The following SYCP1 variants were observed in gnomAD, a reference collection of about 807,000 sequenced individuals.
SYCP1 encodes the protein synaptonemal complex protein 1.
SYCP1 carries 64 observed loss-of-function variants against 153.1 expected under a neutral mutation model. The ratio of observed to expected loss-of-function variants is 0.42; its 90% CI spans 0.34 to 0.51. The LOEUF (loss-of-function observed/expected upper bound fraction) is 0.51. SYCP1 is among the 20% of genes least tolerant of loss of function. The pLI, the probability that SYCP1 is intolerant of heterozygous loss-of-function variation, is 0.06. For synonymous variants in SYCP1, 384 were observed against 341.8 expected (o/e 1.12, Z -1.36); for missense variants, 997 against 1,049.0 (o/e 0.95, Z 0.68).
intron 23 of SYCP1, among the ~76,000 whole-genome samples, chr1:114,943,547 G>A (rs1266577642): frequency 1.3e-5 from 2 of 151,804 alleles, no homozygotes; most frequent in African/African-American, 4.8e-5. Flanking sequence ...ATTGTTTAGG[G>A]ACACATAATT....
chr1:114,944,727 C>A, intron 24 of SYCP1, 145 bp from the exon 25 acceptor site: 3 of 677,264 alleles, frequency 4.4e-6, no homozygotes, highest in Middle Eastern at 4.2e-4. Flanking sequence ...CCCGAAAAAA[C>A]CCCAAACAGT....
chr1:114,977,049 G>A (rs1389900913), intron 27 of SYCP1, among the ~76,000 whole-genome samples: 2 of 151,636 alleles, frequency 1.3e-5, no homozygotes, highest in African/African-American at 4.8e-5. Context: ...TCTATCTAAT[G>A]ATATTAGCAT....
chr1:114,991,880 C>T (rs1453441332), intron 30 of SYCP1, among the ~76,000 whole-genome samples: 1 of 151,762 alleles, frequency 6.6e-6, no homozygotes, highest in East Asian at 1.9e-4. Context: ...TCACAGATGA[C>T]ATGATCTTAT....
At chr1:114,935,987 G>A (rs1163292450) in intron 23 of SYCP1, among the ~76,000 whole-genome samples, 1 of 152,138 alleles carries the variant, frequency 6.6e-6, no homozygotes, top group African/African-American at 2.4e-5. Flanking sequence ...ACAGAAGCTG[G>A]TACCATTCCT....
intron 30 of SYCP1, among the ~76,000 whole-genome samples, chr1:114,994,124 G>A (rs1674112169): frequency 6.6e-6 from 1 of 151,024 alleles, no homozygotes; most frequent in Non-Finnish European, 1.5e-5. Flanking sequence ...ATTCATCCAC[G>A]GATGGATACT....
At position 114,887,710 on chromosome 1, in the gene SYCP1, A is replaced by G; in HGVS notation, c.1258+17A>G. 6.8e-7 allele frequency: 1 copy of G among 1,465,914 alleles called. No homozygotes were observed. The highest frequency in any genetic ancestry group is 9.2e-7 in the Non-Finnish European group (1 of 1,087,206). The allele number at this position is 1,465,914 out of a possible 1,614,324, so 90.8% of individuals were successfully genotyped here. A position where few individuals can be genotyped will look rare whatever the true frequency, so the allele number is the denominator to read the frequency against. On this transcript the variant is annotated intron_variant, in intron 15 of 31. Transcript: ENST00000369522. ...GTGAGCTGGGTAAGACTTAGAGAAT[A>G]ATGTGTGTACTTTAATAATATTAAC...
At chr1:114,975,436 G>A (rs977930629) in intron 27 of SYCP1, among the ~76,000 whole-genome samples, 7 of 151,028 alleles carry the variant, frequency 4.6e-5, no homozygotes, top group South Asian at 2.1e-4. Flanking sequence ...TTAAAATAAT[G>A]TATCTAATAC....
chr1:114,980,462 G>A (rs1253424252), intron 28 of SYCP1, among the ~76,000 whole-genome samples: 3 of 151,898 alleles, frequency 2.0e-5, no homozygotes, highest in Non-Finnish European at 2.9e-5. Context: ...GAAGCAAATA[G>A]CCATTTTCTC....
In SYCP1 at chr1:114,876,056, C is replaced by T; in HGVS notation, c.658-13C>T. Reference sequence around the variant, plus strand: ...AAAAATTTAAGTATGATTCTTAAAACTTTATATTTCAGAAAATGATAACAG... The same window carrying T: ...AAAAATTTAAGTATGATTCTTAAAATTTTATATTTCAGAAAATGATAACAG... On this transcript the variant is annotated splice_polypyrimidine_tract_variant and intron_variant, in intron 9 of 31. Transcript: ENST00000369522. 2.0e-6 allele frequency: 3 copies of T among 1,532,656 alleles called. No homozygotes were observed. Among genetic ancestry groups the T allele is most frequent in the Non-Finnish European group, 2.6e-6 (3 of 1,138,342 alleles). The allele number at this position is 1,532,656 out of a possible 1,614,324, so 94.9% of individuals were successfully genotyped here.
intron 9 of SYCP1, 64 bp from the exon 10 acceptor site, chr1:114,876,005 T>C (rs1665503353): frequency 1.8e-6 from 2 of 1,110,502 alleles, no homozygotes; most frequent in African/African-American, 3.2e-5. Flanking sequence ...TGGTAATATT[T>C]TCATAGTTTG....
At chr1:114,873,970 A>C (rs149041068) in intron 8 of SYCP1, among the ~76,000 whole-genome samples, 167 of 152,116 alleles carry the variant, frequency 1.1e-3, no homozygotes, top group Middle Eastern at 3.4e-3. Flanking sequence ...GGCATCAAGC[A>C]ACCTGCCAAC....
chr1:114,874,494 T>A lies in SYCP1; in HGVS notation c.599-12T>A. ...TTAAAATTTAATCTTGAAATTTTTA[T>A]ATTAACAATAGATGAATATGAACGG... On this transcript the variant is annotated splice_polypyrimidine_tract_variant and intron_variant, in intron 8 of 31. Transcript: ENST00000369522. 1 of 1,487,428 alleles carries A rather than the reference T, an allele frequency of 6.7e-7. No individual in the cohort carries two copies. The highest frequency in any genetic ancestry group is 1.2e-5 in the South Asian group (1 of 80,576). 92.1% of individuals were successfully genotyped at this position (1,487,428 alleles called of 1,614,324 possible). A position where few individuals can be genotyped will look rare whatever the true frequency, so the allele number is the denominator to read the frequency against.
At chr1:114,886,949 T>C (rs1045048390) in intron 14 of SYCP1, among the ~76,000 whole-genome samples, 1 of 152,048 alleles carries the variant, frequency 6.6e-6, no homozygotes, top group Non-Finnish European at 1.5e-5. Context: ...AAAGCTGTGT[T>C]AGGAGGCCTA....
At chr1:114,946,532 GT>G in intron 26 of SYCP1, 151 bp downstream of exon 26, 3 of 391,568 alleles carry the variant, frequency 7.7e-6, no homozygotes, top group Non-Finnish European at 1.4e-5. Flanking sequence ...CTAGTTACAT[GT>G]TTTTTTCTAA....
intron 5 of SYCP1, 28 bp downstream of exon 5, chr1:114,857,525 T>G: frequency 6.6e-7 from 1 of 1,524,434 alleles, no homozygotes; most frequent in Non-Finnish European, 8.9e-7. Context: ...TCATATTAAA[T>G]TTCTTGTAAT....
At chr1:114,978,871 T>A (rs1672966303) in intron 28 of SYCP1, among the ~76,000 whole-genome samples, 1 of 151,676 alleles carries the variant, frequency 6.6e-6, no homozygotes, top group Admixed American at 6.6e-5. Context: ...GATATAGACT[T>A]AAGGAAGTAT....
chr1:114,957,060 G>A (rs913136080), intron 27 of SYCP1, among the ~76,000 whole-genome samples: 16 of 147,144 alleles, frequency 1.1e-4, no homozygotes, highest in African/African-American at 4.0e-4. Flanking sequence ...TGTTGTTGTT[G>A]TTGTTGTTTG....
chr1:114,876,609 C>T (rs1475579555), intron 10 of SYCP1, 128 bp from the exon 11 acceptor site: 1 of 404,648 alleles, frequency 2.5e-6, no homozygotes, highest in East Asian at 4.6e-5. Flanking sequence ...TAGCTCATTA[C>T]AAACTTTTAG....
chr1:114,984,869 G>A lies in SYCP1; in HGVS notation c.2703+1G>A. 1 of 1,345,846 alleles carries A rather than the reference G, an allele frequency of 7.4e-7. No individual in the cohort carries two copies. Among genetic ancestry groups the A allele is most frequent in the African/African-American group, 1.5e-5 (1 of 65,902 alleles). The allele number at this position is 1,345,846 out of a possible 1,614,324, so 83.4% of individuals were successfully genotyped here. A position where few individuals can be genotyped will look rare whatever the true frequency, so the allele number is the denominator to read the frequency against. ...TAGTTCAGAAACTACTGATCTTTTG[G>A]TAAAAATTTTACAAATAATATTTAG... is the stretch of plus-strand genomic sequence containing the variant. On this transcript the variant is annotated splice_donor_variant, in intron 30 of 31. Transcript: ENST00000369522. LOFTEE classifies it high-confidence loss of function.
Sources: gnomAD v4.1 joint callset for allele counts (sites outside exome capture counted in the v4.1 genomes callset) on GRCh38, gnomAD v4.1.1 for gene constraint, MANE v1.5 for transcripts, NCBI Gene and HGNC (gene_info 2026-07-23, HGNC 2026-07-21) for gene names.